ANKS1B: variants seen among roughly 807,000 people sequenced by gnomAD.
The protein encoded by ANKS1B is ankyrin repeat and sterile alpha motif domain-containing protein 1B.
A neutral mutation model predicts 148.3 loss-of-function variants in ANKS1B; 36 were observed. The ratio of observed to expected loss-of-function variants is 0.24; its 90% CI spans 0.19 to 0.32. ANKS1B has a LOEUF of 0.32. Among genes scored for constraint, ANKS1B ranks in the 10% least tolerant of loss-of-function variants. The pLI is 1.00. For synonymous variants in ANKS1B, 542 were observed against 560.8 expected, an observed-to-expected ratio of 0.97 and a Z score of 0.47; for missense variants, 1,157 against 1,542.6, an observed-to-expected ratio of 0.75 and a Z score of 4.19.
chr12:98,866,058 A>C (rs2099623020), intron 17 of ANKS1B, among the ~76,000 whole-genome samples: 1 of 152,130 alleles, frequency 6.6e-6, no homozygotes, highest in Non-Finnish European at 1.5e-5. Flanking sequence ...TAAGGTACTA[A>C]GCCCCTCCCA....
chr12:99,712,121 A>T (rs937094116), intron 8 of ANKS1B, among the ~76,000 whole-genome samples: 1 of 152,222 alleles, frequency 6.6e-6, no homozygotes, highest in African/African-American at 2.4e-5. Context: ...GCCTGTTCGC[A>T]CTTACAAGTG....
Position 99,613,922 on chromosome 12 carries a change from A to G in ANKS1B, c.1272+41145T>C, listed in dbSNP as rs374451531. Among the ~76,000 whole-genome samples the G allele has an allele frequency of 2.0e-5, 3 of 151,720 alleles. No homozygotes were observed. In the East Asian group the frequency reaches 5.8e-4, roughly 29 times the overall value. On this transcript the variant is annotated intron_variant, in intron 9 of 26. Transcript: ENST00000683438. Reference sequence around the variant, plus strand: ...CCTGCCAATGCCTGAAACTCAACATACTCCAAATTAAATTTACCCTATCCT... The same window carrying G: ...CCTGCCAATGCCTGAAACTCAACATGCTCCAAATTAAATTTACCCTATCCT...
intron 1 of ANKS1B, among the ~76,000 whole-genome samples, chr12:99,895,537 T>C (rs1006024169): frequency 2.6e-5 from 4 of 151,012 alleles, no homozygotes; most frequent in African/African-American, 9.7e-5. Flanking sequence ...GAGGTCAACA[T>C]CTTAACAGGA....
Position 99,246,428 on chromosome 12 carries a change from C to T in ANKS1B, c.2193G>A (p.Leu731=). The T allele has an allele frequency of 6.2e-7, 1 of 1,613,852 alleles. No individual in the cohort carries two copies. The highest frequency in any genetic ancestry group is 8.5e-7 in the Non-Finnish European group (1 of 1,179,860). ...SLPKALIDMH[L]SKSVSKSDSD... is the part of the protein sequence containing the mutation. Reference sequence around the variant, plus strand: ...AATCAGATTTAGAGACACTTTTTGACAAATGCATGTCGATCAAGGCTTTAG... The same window carrying T: ...AATCAGATTTAGAGACACTTTTTGATAAATGCATGTCGATCAAGGCTTTAG... Residue 731 remains leucine (L), a synonymous_variant, in exon 13 of 27, where the codon TTG becomes TTA. Coordinates refer to ENST00000683438, the MANE Select transcript of ANKS1B (RefSeq NM_001352186.2).
intron 12 of ANKS1B, among the ~76,000 whole-genome samples, chr12:99,311,273 A>C (rs2083129639): frequency 6.6e-6 from 1 of 152,128 alleles, no homozygotes; most frequent in Admixed American, 6.6e-5. Flanking sequence ...CATTGCCAGA[A>C]ACCCAGCAAG....
intron 21 of ANKS1B, among the ~76,000 whole-genome samples, chr12:98,800,053 C>G (rs933562094): frequency 6.6e-6 from 1 of 151,870 alleles, no homozygotes; most frequent in Non-Finnish European, 1.5e-5. Context: ...CAGCAGAAGG[C>G]GTGGTCAGGG....
chr12:98,735,305 C>T (rs1003188046), exon 10 of ANKS1B: 11 of 402,360 alleles, frequency 2.7e-5, no homozygotes, highest in African/African-American at 2.1e-4. Flanking sequence ...TTATATGTCT[C>T]TTGTATGTTT....
chr12:99,974,526 ACT>A (rs1485956294), intron 1 of ANKS1B, among the ~76,000 whole-genome samples: 2 of 152,062 alleles, frequency 1.3e-5, no homozygotes, highest in Non-Finnish European at 2.9e-5. Flanking sequence ...CCAGCCATAT[ACT>A]CTCTCATTTC....
At chr12:99,157,581 A>G (rs1211451233) in intron 14 of ANKS1B, among the ~76,000 whole-genome samples, 1 of 152,154 alleles carries the variant, frequency 6.6e-6, no homozygotes, top group Non-Finnish European at 1.5e-5. Context: ...GAGAGAGGGA[A>G]AGAGGGAGAG....
At chr12:99,480,784 T>C (rs1160478527) in intron 10 of ANKS1B, among the ~76,000 whole-genome samples, 1 of 151,822 alleles carries the variant, frequency 6.6e-6, no homozygotes. Flanking sequence ...TGGCAAAATA[T>C]CTTCATTAGT....
chr12:99,089,840 A>G (rs2053434801), intron 15 of ANKS1B, among the ~76,000 whole-genome samples: 1 of 152,230 alleles, frequency 6.6e-6, no homozygotes, highest in Non-Finnish European at 1.5e-5. Flanking sequence ...CTTTCTTAGC[A>G]TCCACCAATC....
At position 99,657,510 on chromosome 12, in the gene ANKS1B, T is replaced by C. The variant is rs118029888; in HGVS notation, c.1129-2300A>G. On this transcript the variant is annotated intron_variant, in intron 8 of 26. Coordinates refer to ENST00000683438, the MANE Select transcript of ANKS1B (RefSeq NM_001352186.2). Reference sequence around the variant, plus strand: ...GTGAAAATTTCTGCAATTTGATACATAGCAGCCCATGCTTTCATAAATACA... The same window carrying C: ...GTGAAAATTTCTGCAATTTGATACACAGCAGCCCATGCTTTCATAAATACA... Among the ~76,000 whole-genome samples the C allele has an allele frequency of 3.9e-3, 599 of 152,254 alleles. 29 individuals carry two copies. In the East Asian group the frequency reaches 0.065, roughly 17 times the overall value.
intron 17 of ANKS1B, among the ~76,000 whole-genome samples, chr12:98,902,038 G>C (rs1277834978): frequency 6.6e-6 from 1 of 152,202 alleles, no homozygotes; most frequent in African/African-American, 2.4e-5. Flanking sequence ...CATATTTACA[G>C]ATCTGACTAT....
At chr12:98,850,458 C>CTTTTTTT (rs1567146212) in intron 17 of ANKS1B, among the ~76,000 whole-genome samples, 1 of 61,970 alleles carries the variant, frequency 1.6e-5, no homozygotes, top group Non-Finnish European at 3.4e-5. Context: ...AGAAGCATTG[C>CTTTTTTT]ATTTTTTTTT....
At chr12:99,287,811 G>T (rs2079344479) in intron 12 of ANKS1B, among the ~76,000 whole-genome samples, 1 of 152,112 alleles carries the variant, frequency 6.6e-6, no homozygotes, top group African/African-American at 2.4e-5. Context: ...TGATCAAACA[G>T]AAGAAAGAAT....
intron 1 of ANKS1B, among the ~76,000 whole-genome samples, chr12:99,879,095 AT>A (rs2092321344): frequency 1.3e-5 from 2 of 152,216 alleles, no homozygotes; most frequent in Admixed American, 6.5e-5. Flanking sequence ...CCAAAGCTTA[AT>A]GAGTAGTAAG....
chr12:99,329,398 A>G (rs964458387), intron 12 of ANKS1B, among the ~76,000 whole-genome samples: 15 of 151,922 alleles, frequency 9.9e-5, no homozygotes, highest in Non-Finnish European at 1.9e-4. Flanking sequence ...TGATGTTGTA[A>G]TGAATCTTTA....
At chr12:98,929,364 A>G (rs1047424760) in intron 17 of ANKS1B, among the ~76,000 whole-genome samples, 1 of 152,078 alleles carries the variant, frequency 6.6e-6, no homozygotes, top group Admixed American at 6.6e-5. Flanking sequence ...AAATTGATCT[A>G]CAGATTCAAT....
intron 15 of ANKS1B, among the ~76,000 whole-genome samples, chr12:99,122,993 A>ATATAT (rs57985878): frequency 0.04 from 5,479 of 138,048 alleles, 154 homozygotes; most frequent in Non-Finnish European, 0.046. Context: ...AAAATTAAAA[A>ATATAT]AAAAATATAT....
Sources: gnomAD v4.1 joint callset for allele counts (sites outside exome capture counted in the v4.1 genomes callset) on GRCh38, gnomAD v4.1.1 for gene constraint, MANE v1.5 for transcripts, NCBI Gene and HGNC (gene_info 2026-07-23, HGNC 2026-07-21) for gene names.